Variants in ZNF407 observed in about 807,000 individuals in gnomAD.
The protein encoded by ZNF407 is zinc finger protein 407.
A neutral mutation model predicts 131.2 loss-of-function variants in ZNF407; 17 were observed. The observed-to-expected ratio is 0.13, with a 90% CI of 0.09 to 0.19. ZNF407 has a LOEUF of 0.19. Among genes scored for constraint, ZNF407 ranks in the 10% least tolerant of loss-of-function variants. The pLI is 1.00. For synonymous variants in ZNF407, 1,156 were observed against 1,062.0 expected (o/e 1.09, Z -1.72); for missense variants, 2,681 against 2,830.6 (o/e 0.95, Z 1.20).
intron 4 of ZNF407, among the ~76,000 whole-genome samples, chr18:74,782,634 A>C (rs1335029652): frequency 6.7e-6 from 1 of 148,394 alleles, no homozygotes; most frequent in Non-Finnish European, 1.5e-5. Context: ...TCTCCCCTTC[A>C]TTTGAGATGG....
At chr18:74,870,562 ACT>A (rs1270970940) in intron 4 of ZNF407, among the ~76,000 whole-genome samples, 4 of 152,206 alleles carry the variant, frequency 2.6e-5, no homozygotes, top group Non-Finnish European at 5.9e-5. Flanking sequence ...GAAACAAGGA[ACT>A]CTCAAAGTCT....
At chr18:74,903,731 A>G (rs541036979) in intron 7 of ZNF407, among the ~76,000 whole-genome samples, 22 of 152,338 alleles carry the variant, frequency 1.4e-4, no homozygotes, top group South Asian at 2.1e-4. Context: ...AAAAATGAGA[A>G]GAATTTCTAC....
intron 4 of ZNF407, among the ~76,000 whole-genome samples, chr18:74,783,973 T>G (rs568750812): frequency 2.0e-5 from 3 of 152,310 alleles, no homozygotes; most frequent in Admixed American, 6.5e-5. Context: ...AGTAGACACC[T>G]GTAGCTAGAG....
intron 3 of ZNF407, among the ~76,000 whole-genome samples, chr18:74,705,517 T>G (rs1384751345): frequency 1.3e-5 from 2 of 152,258 alleles, no homozygotes; most frequent in African/African-American, 4.8e-5. Context: ...CTTGTACCTC[T>G]ATTCCACATC....
chr18:74,654,874 T>A (rs987600441), intron 3 of ZNF407, among the ~76,000 whole-genome samples: 20 of 151,906 alleles, frequency 1.3e-4, no homozygotes, highest in African/African-American at 4.3e-4. Context: ...ATAGATTTTT[T>A]ACAGTAACTA....
At chr18:74,846,161 T>C (rs1325790593) in intron 4 of ZNF407, among the ~76,000 whole-genome samples, 2 of 152,178 alleles carry the variant, frequency 1.3e-5, no homozygotes, top group African/African-American at 4.8e-5. Context: ...TATTACAATC[T>C]TATAAATCTT....
Position 74,676,557 on chromosome 18 carries a change from C to G in ZNF407, c.4802+35435C>G, listed in dbSNP as rs1355717154. The stretch of plus-strand genomic sequence containing the variant: ...GTTCACGCCATTCTCCTGCCTCAAC[C>G]TCCCGAGTAGCTGGGACTACAGGCG... On this transcript the variant is annotated intron_variant, in intron 3 of 8. Transcript: ENST00000299687. 2.0e-5 allele frequency among the ~76,000 whole-genome samples: 3 copies of G among 151,916 alleles called. No individual in the cohort carries two copies. The East Asian group carries it at 5.8e-4, about 29-fold the overall frequency.
chr18:74,722,695 C>T (rs765392289), intron 3 of ZNF407, among the ~76,000 whole-genome samples: 1 of 152,178 alleles, frequency 6.6e-6, no homozygotes, highest in Admixed American at 6.5e-5. Flanking sequence ...AGCTCTCTTA[C>T]CCAAAACTCT....
chr18:74,883,755 C>T (rs138068218), intron 6 of ZNF407, among the ~76,000 whole-genome samples: 14 of 152,310 alleles, frequency 9.2e-5, no homozygotes, highest in Admixed American at 1.3e-4. Context: ...GACGACAGCC[C>T]TTCTGCTGTT....
At chr18:74,897,673 C>T (rs751747859) in intron 7 of ZNF407, among the ~76,000 whole-genome samples, 1 of 151,990 alleles carries the variant, frequency 6.6e-6, no homozygotes, top group Non-Finnish European at 1.5e-5. Flanking sequence ...ATAAGTTATT[C>T]CTTAGACACT....
At chr18:74,791,830 T>G (rs1477961568) in intron 4 of ZNF407, among the ~76,000 whole-genome samples, 1 of 152,206 alleles carries the variant, frequency 6.6e-6, no homozygotes, top group East Asian at 1.9e-4. Flanking sequence ...CTTTCCTGTC[T>G]GCGCTTTGAA....
At chr18:74,724,938 C>G (rs1968122413) in intron 3 of ZNF407, among the ~76,000 whole-genome samples, 1 of 152,156 alleles carries the variant, frequency 6.6e-6, no homozygotes, top group South Asian at 2.1e-4. Context: ...AAAATTTGAT[C>G]AATTTAACAT....
chr18:74,615,866 G>GTT (rs1283978607), intron 1 of ZNF407, among the ~76,000 whole-genome samples: 9 of 151,776 alleles, frequency 5.9e-5, no homozygotes, highest in African/African-American at 1.9e-4. Context: ...AACTGTTGTT[G>GTT]TTGTTTTTTT....
chr18:74,714,635 T>C (rs1967847767), intron 3 of ZNF407, among the ~76,000 whole-genome samples: 1 of 152,218 alleles, frequency 6.6e-6, no homozygotes, highest in Non-Finnish European at 1.5e-5. Flanking sequence ...TATTTTTAAA[T>C]CAAAGAATTT....
intron 3 of ZNF407, among the ~76,000 whole-genome samples, chr18:74,736,848 C>G (rs959866310): frequency 2.0e-5 from 3 of 152,112 alleles, no homozygotes; most frequent in Admixed American, 1.3e-4. Context: ...AGTGATGGGT[C>G]CTATTAGCTG....
chr18:74,690,611 G>T (rs1967198652), intron 3 of ZNF407, among the ~76,000 whole-genome samples: 1 of 152,092 alleles, frequency 6.6e-6, no homozygotes, highest in Admixed American at 6.5e-5. Flanking sequence ...ATTTCTTTTG[G>T]CAGTTGAAGA....
At chr18:74,944,200 A>G (rs866661581) in intron 8 of ZNF407, among the ~76,000 whole-genome samples, 1 of 152,218 alleles carries the variant, frequency 6.6e-6, no homozygotes, top group Non-Finnish European at 1.5e-5. Flanking sequence ...TTATGTTCTT[A>G]CAGGAAATAA....
chr18:74,848,897 C>G (rs1265840234), intron 4 of ZNF407, among the ~76,000 whole-genome samples: 1 of 151,996 alleles, frequency 6.6e-6, no homozygotes, highest in Non-Finnish European at 1.5e-5. Flanking sequence ...GTGATGTATG[C>G]GTGAATATTA....
intron 3 of ZNF407, among the ~76,000 whole-genome samples, chr18:74,714,406 A>G (rs908708337): frequency 2.0e-5 from 3 of 152,242 alleles, no homozygotes; most frequent in African/African-American, 7.2e-5. Flanking sequence ...TTGTGGTTAT[A>G]TGAAAGACAC....
Sources: gnomAD v4.1 joint callset for allele counts (sites outside exome capture counted in the v4.1 genomes callset) on GRCh38, gnomAD v4.1.1 for gene constraint, MANE v1.5 for transcripts, NCBI Gene and HGNC (gene_info 2026-07-23, HGNC 2026-07-21) for gene names.